CYP7B1: variants seen among roughly 807,000 people sequenced by gnomAD.
CYP7B1 encodes the protein cytochrome P450 family 7 subfamily B member 1.
CYP7B1 carries 29 observed loss-of-function variants against 42.7 expected under a neutral mutation model. That is an observed-to-expected ratio of 0.68 (90% CI 0.51 to 0.93). CYP7B1 has a LOEUF of 0.93. CYP7B1 is among the 40% of genes least tolerant of loss of function. CYP7B1 has a pLI of 0.00. For synonymous variants in CYP7B1, 235 were observed against 218.2 expected, an observed-to-expected ratio of 1.08 and a Z score of -0.68; for missense variants, 655 against 600.5, an observed-to-expected ratio of 1.09 and a Z score of -0.95.
In CYP7B1 at chr8:64,595,362, G is replaced by A. The variant is rs1271783178; in HGVS notation, c.*1280C>T. Among the ~76,000 whole-genome samples the A allele has an allele frequency of 5.3e-5, 8 of 152,160 alleles. No homozygotes were observed. The highest frequency in any genetic ancestry group is 4.6e-4 in the Admixed American group (7 of 15,266). On this transcript the variant is annotated 3_prime_UTR_variant, in exon 6 of 6. Coordinates refer to ENST00000310193, the MANE Select transcript of CYP7B1 (RefSeq NM_004820.5). ...TCAGTTTCCTTTTCTCAAAACAGTAGCAGATTTCTGAAATATTAGAAGTTC... is the reference window on the plus strand; with the variant it reads ...TCAGTTTCCTTTTCTCAAAACAGTAACAGATTTCTGAAATATTAGAAGTTC...
chr8:64,686,047 A>T (rs1173907823), intron 1 of CYP7B1, among the ~76,000 whole-genome samples: 2 of 100,512 alleles, frequency 2.0e-5, no homozygotes, highest in Non-Finnish European at 4.0e-5. Context: ...TCCGGGAGGG[A>T]GATGGGGGGG....
intron 1 of CYP7B1, among the ~76,000 whole-genome samples, chr8:64,667,946 G>C: frequency 6.6e-6 from 1 of 152,160 alleles, no homozygotes; most frequent in East Asian, 1.9e-4. Context: ...ATCCTCTGTT[G>C]AAATAGTCCT....
chr8:64,780,124 T>C (rs1277777662), intron 1 of CYP7B1, among the ~76,000 whole-genome samples: 1 of 152,162 alleles, frequency 6.6e-6, no homozygotes, highest in East Asian at 1.9e-4. Flanking sequence ...AATGAAATCT[T>C]CAGTTTTTAA....
chr8:64,663,104 C>A (rs566765058), intron 1 of CYP7B1, among the ~76,000 whole-genome samples: 3 of 152,194 alleles, frequency 2.0e-5, no homozygotes, highest in East Asian at 3.9e-4. Flanking sequence ...TTCTAACAAG[C>A]CTTTTCTTAT....
chr8:64,610,157 A>G (rs543451288), intron 4 of CYP7B1, among the ~76,000 whole-genome samples: 1 of 152,332 alleles, frequency 6.6e-6, no homozygotes, highest in Admixed American at 6.5e-5. Flanking sequence ...GTTGCTTTTC[A>G]ATCCTTTCAG....
intron 1 of CYP7B1, among the ~76,000 whole-genome samples, chr8:64,752,823 T>C (rs1164749967): frequency 3.3e-5 from 5 of 152,212 alleles, no homozygotes; most frequent in Admixed American, 3.3e-4. Context: ...TCTGAGAAAC[T>C]TCTGCACTTT....
At chr8:64,616,303 G>T in intron 2 of CYP7B1, 22 bp from the exon 3 acceptor site, 2 of 1,367,832 alleles carry the variant, frequency 1.5e-6, no homozygotes, top group Non-Finnish European at 2.0e-6. Context: ...AAAAGAGAGA[G>T]AAAATATGAG....
intron 1 of CYP7B1, among the ~76,000 whole-genome samples, chr8:64,634,173 A>G (rs756293176): frequency 6.6e-6 from 1 of 152,166 alleles, no homozygotes; most frequent in Non-Finnish European, 1.5e-5. Flanking sequence ...GGGTTGTCTG[A>G]TATTTTTCAT....
At chr8:64,658,630 G>A (rs1356920571) in intron 1 of CYP7B1, among the ~76,000 whole-genome samples, 1 of 151,968 alleles carries the variant, frequency 6.6e-6, no homozygotes, top group Non-Finnish European at 1.5e-5. Flanking sequence ...GTTATTTTTT[G>A]TGGTCATGTT....
intron 1 of CYP7B1, among the ~76,000 whole-genome samples, chr8:64,754,644 C>G (rs1807780862): frequency 6.6e-6 from 1 of 151,972 alleles, no homozygotes. Flanking sequence ...AAGGCTAGGC[C>G]ATGGGAAGAA....
intron 1 of CYP7B1, among the ~76,000 whole-genome samples, chr8:64,754,435 T>C (rs1280998450): frequency 1.3e-5 from 2 of 152,164 alleles, no homozygotes; most frequent in African/African-American, 4.8e-5. Context: ...GCCCTAACAG[T>C]AAGTTGAAGT....
At chr8:64,633,165 C>T (rs753211884) in intron 1 of CYP7B1, among the ~76,000 whole-genome samples, 5 of 152,022 alleles carry the variant, frequency 3.3e-5, no homozygotes, top group Non-Finnish European at 7.4e-5. Context: ...TATGTAGATC[C>T]TCAGTGTCTT....
chr8:64,639,232 A>T (rs1805818660), intron 1 of CYP7B1, among the ~76,000 whole-genome samples: 1 of 152,126 alleles, frequency 6.6e-6, no homozygotes, highest in African/African-American at 2.4e-5. Flanking sequence ...GTCAATGAAC[A>T]TTTAAAAATT....
At chr8:64,748,254 G>A (rs1451213277) in intron 1 of CYP7B1, among the ~76,000 whole-genome samples, 1 of 152,134 alleles carries the variant, frequency 6.6e-6, no homozygotes, top group Non-Finnish European at 1.5e-5. Context: ...CACCCTTGGG[G>A]TGTCTACCAT....
At chr8:64,795,957 C>T (rs1408682857) in intron 1 of CYP7B1, among the ~76,000 whole-genome samples, 3 of 152,114 alleles carry the variant, frequency 2.0e-5, no homozygotes, top group East Asian at 1.9e-4. Flanking sequence ...TGATTTTTAC[C>T]GATTGTTAAA....
rs1805038375 is a variant in CYP7B1 at position 64,591,761 on chromosome 8, TA to T, written c.*4880del. On this transcript the variant is annotated 3_prime_UTR_variant, in exon 6 of 6. Transcript: ENST00000310193. ...TAAGCATGCCTGATTTAGTGATAGGTAGCTTTTTCTTAACCACTTCAGGGCT... is the reference window on the plus strand; with the variant it reads ...TAAGCATGCCTGATTTAGTGATAGGTGCTTTTTCTTAACCACTTCAGGGCT... Among the ~76,000 whole-genome samples the T allele has an allele frequency of 6.6e-6, 1 of 152,186 alleles. No individual in the cohort carries two copies. The highest frequency in any genetic ancestry group is 1.5e-5 in the Non-Finnish European group (1 of 68,038).
At chr8:64,604,892 T>C (rs1304160887) in intron 4 of CYP7B1, 35 bp from the exon 5 acceptor site, 2 of 1,603,850 alleles carry the variant, frequency 1.2e-6, no homozygotes, top group Non-Finnish European at 1.7e-6. Context: ...CTTATTAAGA[T>C]AGGGCTGGTC....
At chr8:64,685,793 C>G (rs1326723611) in intron 1 of CYP7B1, among the ~76,000 whole-genome samples, 1 of 56,108 alleles carries the variant, frequency 1.8e-5, no homozygotes, top group Admixed American at 1.6e-4. Context: ...TCAGCCCCCC[C>G]GCCCGGCCAG....
chr8:64,621,886 C>A (rs1288892229), intron 2 of CYP7B1, among the ~76,000 whole-genome samples: 1 of 151,980 alleles, frequency 6.6e-6, no homozygotes, highest in East Asian at 1.9e-4. Flanking sequence ...CAGGCACATG[C>A]CACCATGCCC....
Sources: gnomAD v4.1 joint callset for allele counts (sites outside exome capture counted in the v4.1 genomes callset) on GRCh38, gnomAD v4.1.1 for gene constraint, MANE v1.5 for transcripts, NCBI Gene and HGNC (gene_info 2026-07-23, HGNC 2026-07-21) for gene names.